Variants in DHX32 observed in about 807,000 individuals in gnomAD.
DHX32 encodes the protein DEAH-box helicase 32 (putative).
A neutral mutation model predicts 70.0 loss-of-function variants in DHX32; 51 were observed. That is an observed-to-expected ratio of 0.73 (90% CI 0.58 to 0.92). The LOEUF (loss-of-function observed/expected upper bound fraction) is 0.92. Among genes scored for constraint, DHX32 ranks in the 40% least tolerant of loss-of-function variants. The probability of loss-of-function intolerance (pLI) is 0.00; values close to 1 mark genes in which losing one functional copy is unlikely to be tolerated. For missense variants in DHX32, 762 were observed against 891.8 expected (o/e 0.85, Z 1.85); for synonymous variants, 310 against 315.3 (o/e 0.98, Z 0.18).
At chr10:125,863,932 C>T (rs1353523470) in intron 2 of DHX32, among the ~76,000 whole-genome samples, 1 of 152,080 alleles carries the variant, frequency 6.6e-6, no homozygotes, top group African/African-American at 2.4e-5. Flanking sequence ...TTTAATAGTC[C>T]TCACAACAAC....
intron 4 of DHX32, chr10:125,853,628 TCAAA>T (rs1235755002): frequency 8.1e-6 from 2 of 245,950 alleles, no homozygotes; most frequent in Admixed American, 5.2e-5. Context: ...AGTTTAAGAG[TCAAA>T]CAATTTGCTT....
intron 2 of DHX32, among the ~76,000 whole-genome samples, chr10:125,861,691 A>C (rs1589713046): frequency 6.6e-6 from 1 of 152,188 alleles, no homozygotes; most frequent in Non-Finnish European, 1.5e-5. Flanking sequence ...GCTGTGAATG[A>C]AGTGCACGGT....
At chr10:125,861,224 G>A (rs938092485) in intron 2 of DHX32, among the ~76,000 whole-genome samples, 1 of 151,848 alleles carries the variant, frequency 6.6e-6, no homozygotes, top group South Asian at 2.1e-4. Flanking sequence ...CTGATAAAGA[G>A]TAGTTTGCCC....
chr10:125,853,857 C>T (rs773576763), intron 4 of DHX32, 104 bp downstream of exon 4: 38 of 1,408,088 alleles, frequency 2.7e-5, no homozygotes, highest in Non-Finnish European at 3.6e-5. Context: ...ATCCCCAGGT[C>T]ACATAGTTCA....
intron 1 of DHX32, among the ~76,000 whole-genome samples, chr10:125,870,575 C>T (rs1050572484): frequency 6.6e-6 from 1 of 152,132 alleles, no homozygotes; most frequent in Non-Finnish European, 1.5e-5. Context: ...TGGCTCACAT[C>T]TGTAATCTCA....
intron 1 of DHX32, among the ~76,000 whole-genome samples, chr10:125,889,440 T>C (rs1174734765): frequency 6.6e-6 from 1 of 152,192 alleles, no homozygotes; most frequent in Admixed American, 6.5e-5. Context: ...ACTATTATTT[T>C]TGGAGAGCGG....
intron 2 of DHX32, among the ~76,000 whole-genome samples, chr10:125,863,587 A>G (rs907538773): frequency 6.6e-6 from 1 of 151,952 alleles, no homozygotes; most frequent in Non-Finnish European, 1.5e-5. Context: ...AGCTGGGACT[A>G]TAGGCACCTG....
At position 125,866,862 on chromosome 10, in the gene DHX32, C is replaced by A; in HGVS notation, c.476+128G>T. ...GCAACTGTTGCTGGCTGGCTGATGACAGAGACCAGTTGCTACTGCACAGCA... is the reference window on the plus strand; with the variant it reads ...GCAACTGTTGCTGGCTGGCTGATGAAAGAGACCAGTTGCTACTGCACAGCA... On this transcript the variant is annotated intron_variant, in intron 2 of 10. Coordinates refer to ENST00000284690, the MANE Select transcript of DHX32 (RefSeq NM_018180.3). This position sits in a 1 kb window ranked among gnomAD's most constrained non-coding sequence, Gnocchi z 4.8. 3 of 961,732 alleles carry A rather than the reference C, an allele frequency of 3.1e-6. No homozygotes were observed. The South Asian group carries it at 5.4e-5, about 17-fold the overall frequency. 59.6% of individuals were successfully genotyped at this position (961,732 alleles called of 1,614,324 possible).
At chr10:125,865,347 T>C (rs1944214387) in intron 2 of DHX32, among the ~76,000 whole-genome samples, 1 of 152,202 alleles carries the variant, frequency 6.6e-6, no homozygotes, top group Non-Finnish European at 1.5e-5. Context: ...CATAGTAATT[T>C]AATGACTCAG....
chr10:125,879,203 T>C lies in DHX32; in HGVS notation c.282+1340A>G, dbSNP rs569134963. On this transcript the variant is annotated intron_variant, in intron 1 of 10. Transcript: ENST00000284690. ...CATGCCCAGCTAATTTTTTAATTTTTTATAAAGTTGGGATCTTGCCATGTT... is the reference window on the plus strand; with the variant it reads ...CATGCCCAGCTAATTTTTTAATTTTCTATAAAGTTGGGATCTTGCCATGTT... Among the ~76,000 whole-genome samples the C allele has an allele frequency of 4.0e-5, 6 of 151,488 alleles. No homozygotes were observed. In the South Asian group the frequency reaches 1.3e-3, roughly 32 times the overall value.
chr10:125,864,498 G>C (rs1244701825), intron 2 of DHX32, among the ~76,000 whole-genome samples: 1 of 152,166 alleles, frequency 6.6e-6, no homozygotes, highest in Non-Finnish European at 1.5e-5. Context: ...TCCTTTGGGT[G>C]TCAGAATTGA....
At position 125,836,658 on chromosome 10, in the gene DHX32, C is replaced by A; in HGVS notation, c.*29G>T. 6.2e-7 allele frequency: 1 copy of A among 1,602,734 alleles called. No homozygotes were observed. The highest frequency in any genetic ancestry group is 8.5e-7 in the Non-Finnish European group (1 of 1,173,302). On this transcript the variant is annotated 3_prime_UTR_variant, in exon 11 of 11. Transcript: ENST00000284690. ...TTCAGCCATCCAGCTACCTTTGGGA[C>A]CCTGCTGCACCTTGTGTTTGCTGGG...
At chr10:125,839,636 ATATTT>A (rs1227373806) in intron 8 of DHX32, among the ~76,000 whole-genome samples, 22 of 152,182 alleles carry the variant, frequency 1.4e-4, no homozygotes, top group African/African-American at 5.1e-4. Context: ...AAAATATCTC[ATATTT>A]TATTTAATGA....
At chr10:125,844,138 GA>G (rs1161214807) in intron 6 of DHX32, among the ~76,000 whole-genome samples, 2 of 152,040 alleles carry the variant, frequency 1.3e-5, no homozygotes, top group Non-Finnish European at 2.9e-5. Context: ...GGGCTATTCA[GA>G]AAAAAAGTTC....
intron 1 of DHX32, among the ~76,000 whole-genome samples, chr10:125,888,397 A>T (rs1263487135): frequency 1.3e-5 from 2 of 152,012 alleles, no homozygotes; most frequent in Non-Finnish European, 2.9e-5. Context: ...TTGTAGAGAC[A>T]GTGTCTCCCT....
upstream of DHX32, among the ~76,000 whole-genome samples, chr10:125,884,892 T>C (rs12256289): frequency 0.016 from 2,408 of 152,252 alleles, 28 homozygotes; most frequent in East Asian, 0.027. Flanking sequence ...AAGTTCCCAA[T>C]GCTTAGTTCC....
chr10:125,862,554 TGAG>T (rs1944196739), intron 2 of DHX32, among the ~76,000 whole-genome samples: 1 of 152,100 alleles, frequency 6.6e-6, no homozygotes, highest in Non-Finnish European at 1.5e-5. Context: ...CCCATAAGAT[TGAG>T]GAGGTTTATG....
At chr10:125,852,518 T>G in intron 5 of DHX32, 25 bp downstream of exon 5, 1 of 1,613,142 alleles carries the variant, frequency 6.2e-7, no homozygotes, top group Non-Finnish European at 8.5e-7. Context: ...TTGACAACAT[T>G]TAGTATTTGT....
At position 125,841,846 on chromosome 10, in the gene DHX32, G is replaced by C. The variant is rs1189380298; in HGVS notation, c.1440C>G (p.Ile480Met). 9 of 1,613,694 alleles carry C rather than the reference G, an allele frequency of 5.6e-6. 1 individual carries two copies. Among genetic ancestry groups the C allele is most frequent in the South Asian group, 2.2e-5 (2 of 90,846 alleles). Residue 480 changes from isoleucine to methionine, a missense_variant, in exon 7 of 11, where the codon ATC becomes ATG. Coordinates refer to ENST00000284690, the MANE Select transcript of DHX32 (RefSeq NM_018180.3). Reference protein sequence around the residue: ...NDGNLSEFGIIMSEFPLDPQL... With the variant: ...NDGNLSEFGIMMSEFPLDPQL... ...GTGGATCAAGAGGAAACTCTGACAT[G>C]ATGATTCCAAATTCAGAAAGATTTC...
Sources: gnomAD v4.1 joint callset for allele counts (sites outside exome capture counted in the v4.1 genomes callset) on GRCh38, gnomAD v4.1.1 for gene constraint, Gnocchi (gnomAD v3.1) non-coding constraint, MANE v1.5 for transcripts, NCBI Gene and HGNC (gene_info 2026-07-23, HGNC 2026-07-21) for gene names.